XPOT: variants seen among roughly 807,000 people sequenced by gnomAD.
The protein encoded by XPOT is exportin for tRNA, also known as exportin-T.
XPOT carries 34 observed loss-of-function variants against 128.2 expected under a neutral mutation model. The observed-to-expected ratio is 0.27, with a 90% CI of 0.20 to 0.35. XPOT has a LOEUF of 0.35. XPOT is among the 10% of genes least tolerant of loss of function. The probability of loss-of-function intolerance (pLI) is 1.00; values close to 1 mark genes in which losing one functional copy is unlikely to be tolerated. For missense variants in XPOT, 838 were observed against 1,125.3 expected (o/e 0.74, Z 3.65); for synonymous variants, 348 against 394.3 (o/e 0.88, Z 1.39).
chr12:64,415,944 T>C (rs2040083937), intron 3 of XPOT, among the ~76,000 whole-genome samples: 1 of 152,220 alleles, frequency 6.6e-6, no homozygotes, highest in Non-Finnish European at 1.5e-5. Flanking sequence ...ATTTTTTCCT[T>C]CTGCAGTGTG....
intron 24 of XPOT, among the ~76,000 whole-genome samples, chr12:64,445,836 A>C (rs1211134072): frequency 1.3e-5 from 2 of 152,248 alleles, no homozygotes; most frequent in Non-Finnish European, 2.9e-5. Context: ...AATAATTTGA[A>C]GACAAAGCAC....
At chr12:64,436,860 A>G (rs1461153960) in intron 22 of XPOT, among the ~76,000 whole-genome samples, 1 of 152,214 alleles carries the variant, frequency 6.6e-6, no homozygotes, top group African/African-American at 2.4e-5. Context: ...GTATTACACC[A>G]TGCCCAGCTG....
chr12:64,418,106 G>A lies in XPOT; in HGVS notation c.261G>A (p.Leu87=), dbSNP rs754297687. The part of the protein sequence containing the change: ...QLIRETLISW[L]QAQMLNPQPE... ...TTAGGGAGACGCTCATATCATGGCT[G>A]CAAGCTCAGGTAAAATCATAATTTC... Residue 87 remains leucine, a synonymous_variant, in exon 5 of 25, where the codon CTG becomes CTA. Coordinates refer to ENST00000332707, the MANE Select transcript of XPOT (RefSeq NM_007235.6). 1 of 1,612,568 alleles carries A rather than the reference G, an allele frequency of 6.2e-7. No homozygotes were observed. Among genetic ancestry groups the A allele is most frequent in the Non-Finnish European group, 8.5e-7 (1 of 1,179,276 alleles).
chr12:64,410,712 A>T (rs1290706937), intron 2 of XPOT, among the ~76,000 whole-genome samples: 1 of 152,246 alleles, frequency 6.6e-6, no homozygotes, highest in Non-Finnish European at 1.5e-5. Flanking sequence ...AAATGGTTAC[A>T]TGACAAGAAT....
At position 64,419,999 on chromosome 12, in the gene XPOT, G is replaced by C. The variant is rs959945529; in HGVS notation, c.490-71G>C. ...TAACAAGTCTGAAAGTTTACTCTCT[G>C]CAAGTATATTCAGATATCAAACATG... On this transcript the variant is annotated intron_variant, in intron 6 of 24. Transcript: ENST00000332707. 8 of 1,399,558 alleles carry C rather than the reference G, an allele frequency of 5.7e-6. No homozygotes were observed. The African/African-American group carries it at 1.0e-4, about 18-fold the overall frequency. 86.7% of individuals were successfully genotyped at this position (1,399,558 alleles called of 1,614,324 possible). A position where few individuals can be genotyped will look rare whatever the true frequency, so the allele number is the denominator to read the frequency against.
chr12:64,416,625 T>C (rs2040089956), intron 3 of XPOT, 73 bp from the exon 4 acceptor site: 3 of 1,255,468 alleles, frequency 2.4e-6, no homozygotes, highest in Non-Finnish European at 3.5e-6. Context: ...GTATTACTCA[T>C]TACTATTTTG....
intron 4 of XPOT, among the ~76,000 whole-genome samples, chr12:64,417,761 CT>C (rs1222295083): frequency 2.0e-5 from 3 of 152,176 alleles, no homozygotes; most frequent in African/African-American, 4.8e-5. Flanking sequence ...TTGGTTTATT[CT>C]GTAGATCACA....
chr12:64,438,894 G>T (rs1401145179), intron 22 of XPOT, among the ~76,000 whole-genome samples: 6 of 152,140 alleles, frequency 3.9e-5, no homozygotes, highest in Non-Finnish European at 8.8e-5. Flanking sequence ...CTCCCAAAGT[G>T]CTGGGATTAC....
In XPOT at chr12:64,418,891, C is replaced by G. The variant is rs200291547; in HGVS notation, c.286C>G (p.Pro96Ala). The change falls in exon 6 of 25, where the codon CCA becomes GCA. Residue 96 changes from proline to alanine, a missense_variant. Around this residue, in one of 3 missense-constraint regions of XPOT, gnomAD observed 761 missense variants for 988.3 expected, o/e 0.77. Transcript: ENST00000332707. ...TGTTTGTCAGATGCTGAATCCCCAA[C>G]CAGAGAAGACCTTTATACGAAATAA... The part of the protein sequence containing the change: ...WLQAQMLNPQ[P>A]EKTFIRNKAA... 6.2e-7 allele frequency: 1 copy of G among 1,613,826 alleles called. No homozygotes were observed. The highest frequency in any genetic ancestry group is 1.1e-5 in the South Asian group (1 of 91,072).
intron 2 of XPOT, among the ~76,000 whole-genome samples, 182 bp from the exon 3 acceptor site, chr12:64,414,725 C>T (rs1378442905): frequency 6.6e-6 from 1 of 152,172 alleles, no homozygotes; most frequent in African/African-American, 2.4e-5. Flanking sequence ...TTTATTTAAC[C>T]TATTTTTAGG....
At chr12:64,441,381 C>T (rs925337084) in intron 23 of XPOT, among the ~76,000 whole-genome samples, 4 of 152,200 alleles carry the variant, frequency 2.6e-5, no homozygotes, top group Non-Finnish European at 5.9e-5. Context: ...CTCAAAGAAT[C>T]CTTCTGCCTC....
At chr12:64,418,729 T>C in intron 5 of XPOT, 147 bp from the exon 6 acceptor site, 1 of 656,148 alleles carries the variant, frequency 1.5e-6, no homozygotes, top group Non-Finnish European at 2.6e-6. Context: ...ATCATAATTA[T>C]CAAAATAATT....
chr12:64,430,340 A>C (rs943249720), intron 17 of XPOT, 53 bp downstream of exon 17: 1 of 1,383,842 alleles, frequency 7.2e-7, no homozygotes, highest in Non-Finnish European at 9.7e-7. Flanking sequence ...CACAGACAGA[A>C]CCACTTGTTT....
intron 1 of XPOT, among the ~76,000 whole-genome samples, chr12:64,406,784 C>G (rs2039987456): frequency 6.6e-6 from 1 of 152,126 alleles, no homozygotes; most frequent in South Asian, 2.1e-4. Context: ...GGGCATTTTT[C>G]AGGGGAATGG....
chr12:64,412,731 C>T (rs1475353278), intron 2 of XPOT, among the ~76,000 whole-genome samples: 1 of 152,198 alleles, frequency 6.6e-6, no homozygotes, highest in African/African-American at 2.4e-5. Context: ...ATTAGCATCA[C>T]ATCCCACAAG....
chr12:64,414,512 G>C (rs79304390), intron 2 of XPOT, among the ~76,000 whole-genome samples: 1 of 152,074 alleles, frequency 6.6e-6, no homozygotes, highest in East Asian at 1.9e-4. Context: ...AATAGGAAAA[G>C]TGCCCTTCAC....
intron 1 of XPOT, among the ~76,000 whole-genome samples, chr12:64,408,599 G>A (rs1441493031): frequency 6.6e-6 from 1 of 152,010 alleles, no homozygotes; most frequent in Non-Finnish European, 1.5e-5. Context: ...GTGAAGAAGT[G>A]GATTACCTCT....
chr12:64,430,394 G>T, intron 17 of XPOT, 107 bp downstream of exon 17: 2 of 941,570 alleles, frequency 2.1e-6, no homozygotes, highest in East Asian at 5.2e-5. Context: ...ATAATCCAGA[G>T]AATTGTCTAA....
intron 24 of XPOT, 123 bp downstream of exon 24, chr12:64,445,254 A>G: frequency 1.4e-6 from 1 of 703,030 alleles, no homozygotes; most frequent in Non-Finnish European, 2.3e-6. Context: ...CTCTTGAAAA[A>G]GAGTATAAGT....
Sources: allele counts gnomAD v4.1 joint callset (sites outside exome capture counted in the v4.1 genomes callset), GRCh38; gene constraint gnomAD v4.1.1; regional missense constraint gnomAD v4.1.1; transcripts MANE v1.5; gene names NCBI Gene and HGNC (gene_info 2026-07-23, HGNC 2026-07-21).